Variants in CSNK1E observed in about 807,000 individuals in gnomAD.
The protein encoded by CSNK1E is casein kinase I isoform epsilon.
Under a neutral mutation model 46.1 loss-of-function variants are expected in CSNK1E, and 17 were observed. The ratio of observed to expected loss-of-function variants is 0.37; its 90% CI spans 0.25 to 0.55. The LOEUF (loss-of-function observed/expected upper bound fraction) is 0.55, where lower values mean the gene tolerates loss of function less well. Ranked by LOEUF, CSNK1E falls within the 20% of genes least tolerant of loss-of-function variation. CSNK1E has a pLI of 0.82. For missense variants in CSNK1E, 386 were observed against 595.4 expected (o/e 0.65, Z 3.66); for synonymous variants, 241 against 242.6 (o/e 0.99, Z 0.06).
chr22:38,310,216 G>A (rs1364324671), intron 2 of CSNK1E, among the ~76,000 whole-genome samples: 1 of 152,200 alleles, frequency 6.6e-6, no homozygotes, highest in Non-Finnish European at 1.5e-5. Flanking sequence ...AGCTAGAACT[G>A]CCCGATTTCA....
chr22:38,301,945 C>T (rs939852081), intron 4 of CSNK1E, among the ~76,000 whole-genome samples: 2 of 152,170 alleles, frequency 1.3e-5, no homozygotes, highest in Non-Finnish European at 2.9e-5. Flanking sequence ...CATTCCATTC[C>T]AAGTTCAAAA....
chr22:38,298,131 AG>A lies in CSNK1E; in HGVS notation c.885+654del, dbSNP rs1376332138. On this transcript the variant is annotated intron_variant, in intron 7 of 10. Coordinates refer to ENST00000396832, the MANE Select transcript of CSNK1E (RefSeq NM_152221.3). The surrounding 1 kb of genome is among the most constrained non-coding windows in gnomAD (Gnocchi z 4.2). ...GAGTACGTGGGCCCAGCACAGGGACAGGGGCGGGGACAGAAAGGTCCCTTCG... is the reference window on the plus strand; with the variant it reads ...GAGTACGTGGGCCCAGCACAGGGACAGGGCGGGGACAGAAAGGTCCCTTCG... 36 of 1,290,732 alleles carry A rather than the reference AG, an allele frequency of 2.8e-5. No individual in the cohort carries two copies. Among genetic ancestry groups the A allele is most frequent in the Non-Finnish European group, 3.7e-5 (36 of 981,764 alleles). 80.0% of individuals were successfully genotyped at this position (1,290,732 alleles called of 1,614,324 possible). A position where few individuals can be genotyped will look rare whatever the true frequency, so the allele number is the denominator to read the frequency against.
intron 7 of CSNK1E, chr22:38,295,379 T>G: frequency 2.0e-6 from 2 of 982,734 alleles, no homozygotes; most frequent in Non-Finnish European, 2.4e-6. Context: ...AGCGCCCGAC[T>G]GCGTTACCTA....
At chr22:38,297,024 A>G (rs943887811) in intron 7 of CSNK1E, 12 of 707,278 alleles carry the variant, frequency 1.7e-5, no homozygotes, top group Non-Finnish European at 3.1e-5. Flanking sequence ...TCCGCCCTCT[A>G]TGGCCTCCCA....
At chr22:38,297,137 C>T in intron 7 of CSNK1E, 1 of 779,036 alleles carries the variant, frequency 1.3e-6, no homozygotes, top group Non-Finnish European at 2.4e-6. Context: ...CAATGGCTAC[C>T]ATCTTGGACA....
At chr22:38,308,393 G>C (rs2092707401) in intron 2 of CSNK1E, among the ~76,000 whole-genome samples, 1 of 152,112 alleles carries the variant, frequency 6.6e-6, no homozygotes, top group African/African-American at 2.4e-5. Flanking sequence ...CCCTGGCCAT[G>C]CTCCATTTCC....
At chr22:38,316,215 T>C (rs1471203354) in intron 1 of CSNK1E, among the ~76,000 whole-genome samples, 1 of 152,192 alleles carries the variant, frequency 6.6e-6, no homozygotes, top group African/African-American at 2.4e-5. Context: ...CGGGCAGTGC[T>C]TCTTACTCCC....
chr22:38,291,042 G>A lies in CSNK1E; in HGVS notation c.*929C>T, dbSNP rs1232042600. On this transcript the variant is annotated 3_prime_UTR_variant, in exon 11 of 11. Coordinates refer to ENST00000396832, the MANE Select transcript of CSNK1E (RefSeq NM_152221.3). The stretch of plus-strand genomic sequence containing the variant: ...GAAAGGTGGAACCAGGGAGAGGGGG[G>A]ACCCCAGGTGACTGTCAGGACCAGG... 1 of 152,310 alleles carries A rather than the reference G, an allele frequency of 6.6e-6. No homozygotes were observed. Among genetic ancestry groups the A allele is most frequent in the African/African-American group, 2.4e-5 (1 of 41,460 alleles). The allele number at this position is 152,310 out of a possible 1,614,324, so 9.4% of individuals were successfully genotyped here.
intron 10 of CSNK1E, 187 bp downstream of exon 10, chr22:38,293,068 T>G: frequency 1.6e-6 from 1 of 609,126 alleles, no homozygotes; most frequent in Non-Finnish European, 2.9e-6. Context: ...ATAGAAACCC[T>G]TGGCCCCAAG....
chr22:38,294,549 GAA>G lies in CSNK1E; in HGVS notation c.886-17_886-16del, dbSNP rs1455541349. The G allele has an allele frequency of 6.4e-7, 1 of 1,570,142 alleles. No individual in the cohort carries two copies. Among genetic ancestry groups the G allele is most frequent in the Non-Finnish European group, 8.6e-7 (1 of 1,160,188 alleles). On this transcript the variant is annotated splice_polypyrimidine_tract_variant and intron_variant, in intron 7 of 10. Transcript: ENST00000396832. This position sits in a 1 kb window ranked among gnomAD's most constrained non-coding sequence, Gnocchi z 5.5. ...CGGGCTGCACCCTGCAGGGATGCAAGAAAAGACACCAGTCAGCCCCAGAGGCC... is the reference window on the plus strand; with the variant it reads ...CGGGCTGCACCCTGCAGGGATGCAAGAAGACACCAGTCAGCCCCAGAGGCC...
intron 10 of CSNK1E, chr22:38,292,955 C>T (rs1320291607): frequency 4.8e-6 from 2 of 416,776 alleles, no homozygotes; most frequent in Middle Eastern, 7.1e-4. Context: ...CTGCTGGGAA[C>T]CAACCTTCCA....
chr22:38,315,262 C>T (rs961326656), intron 1 of CSNK1E, among the ~76,000 whole-genome samples: 4 of 152,364 alleles, frequency 2.6e-5, no homozygotes, highest in East Asian at 3.9e-4. Context: ...GCCCCTTGCC[C>T]GTGCCAAGTG....
upstream of CSNK1E, chr22:38,317,468 C>T (rs1239214057): frequency 1.4e-5 from 2 of 142,306 alleles, no homozygotes; most frequent in African/African-American, 5.2e-5. Context: ...CATTGAGCCC[C>T]GGGCCCGCCC....
At chr22:38,306,729 CAAAAA>C (rs135754) in intron 2 of CSNK1E, among the ~76,000 whole-genome samples, 2 of 147,218 alleles carry the variant, frequency 1.4e-5, no homozygotes, top group Non-Finnish European at 3.0e-5. Context: ...GACTCCATCT[CAAAAA>C]AAAAAAAAAA....
At chr22:38,302,284 C>G (rs2092676868) in intron 4 of CSNK1E, among the ~76,000 whole-genome samples, 1 of 152,092 alleles carries the variant, frequency 6.6e-6, no homozygotes. Flanking sequence ...GATGGGAAGA[C>G]TGCTCAAGGC....
At position 38,300,671 on chromosome 22, in the gene CSNK1E, G is replaced by A. The variant is rs1051477569; in HGVS notation, c.565+53C>T. 13 of 1,558,634 alleles carry A rather than the reference G, an allele frequency of 8.3e-6. No homozygotes were observed. The highest frequency in any genetic ancestry group is 4.1e-5 in the African/African-American group (3 of 73,788). On this transcript the variant is annotated intron_variant, in intron 5 of 10. Transcript: ENST00000396832. The surrounding 1 kb of genome is among the most constrained non-coding windows in gnomAD (Gnocchi z 4.4). The stretch of plus-strand genomic sequence containing the variant: ...GGGGGTGAGAGGGCTCCAGAGAGCT[G>A]GGCCCCAGCCAGTGGCCCCGGGTGC...
Position 38,297,394 on chromosome 22 carries a change from G to A in CSNK1E, c.885+1392C>T, listed in dbSNP as rs369734400. Among the ~76,000 whole-genome samples, 4 of 152,316 alleles carry A rather than the reference G, an allele frequency of 2.6e-5. No homozygotes were observed. In the East Asian group the frequency reaches 5.8e-4, roughly 22 times the overall value. ...CCCATTTCCAGCCTTGCTGAAAAGG[G>A]CAACAGAGGCCTCTCCCTGAGGTCC... On this transcript the variant is annotated intron_variant, in intron 7 of 10. Transcript: ENST00000396832.
At position 38,298,458 on chromosome 22, in the gene CSNK1E, T is replaced by C. The variant is rs2092652898; in HGVS notation, c.885+328A>G. On this transcript the variant is annotated intron_variant, in intron 7 of 10. Transcript: ENST00000396832. The surrounding 1 kb of genome is among the most constrained non-coding windows in gnomAD (Gnocchi z 4.2). Reference sequence around the variant, plus strand: ...GTGCAGAACAGGAGCAGCAGGACGGTGTAGGCAGCAATCAGGGCAGCAGGG... The same window carrying C: ...GTGCAGAACAGGAGCAGCAGGACGGCGTAGGCAGCAATCAGGGCAGCAGGG... 1 of 383,414 alleles carries C rather than the reference T, an allele frequency of 2.6e-6. No homozygotes were observed. The highest frequency in any genetic ancestry group is 5.0e-6 in the Non-Finnish European group (1 of 199,976). The allele number at this position is 383,414 out of a possible 1,614,324, so 23.8% of individuals were successfully genotyped here.
rs757088449 is a variant in CSNK1E at position 38,300,811 on chromosome 22, G to A, written c.478C>T (p.Arg160Cys). The change falls in exon 5 of 11, where the codon CGC (arginine) becomes TGC (cysteine). Residue 160 changes from arginine to cysteine, a missense_variant. Transcript: ENST00000396832. The surrounding 1 kb of genome is among the most constrained non-coding windows in gnomAD (Gnocchi z 4.4). Reference protein sequence around the residue: ...FGLAKKYRDARTHQHIPYREN... With the variant: ...FGLAKKYRDACTHQHIPYREN... ...CGGTAGGGAATGTGCTGGTGGGTGC[G>A]GGCGTCCCGGTACTTCTTGGCCAGG... is the stretch of plus-strand genomic sequence containing the variant. The A allele has an allele frequency of 3.7e-6, 6 of 1,614,148 alleles. No homozygotes were observed. Among genetic ancestry groups the A allele is most frequent in the South Asian group, 2.2e-5 (2 of 91,096 alleles).
Sources: allele counts gnomAD v4.1 joint callset (sites outside exome capture counted in the v4.1 genomes callset), GRCh38; gene constraint gnomAD v4.1.1; non-coding constraint Gnocchi (gnomAD v3.1); transcripts MANE v1.5; gene names NCBI Gene and HGNC (gene_info 2026-07-23, HGNC 2026-07-21).